CSMD1: variants seen among roughly 807,000 people sequenced by gnomAD.
CSMD1 encodes the protein CUB and Sushi multiple domains 1.
In CSMD1, 213 loss-of-function variants were observed where a neutral mutation model predicts 417.5. The observed-to-expected ratio is 0.51, with a 90% CI of 0.46 to 0.57. The LOEUF is 0.57. Among genes scored for constraint, CSMD1 ranks in the 20% least tolerant of loss-of-function variants. The probability of loss-of-function intolerance (pLI) is 0.00; values close to 1 mark genes in which losing one functional copy is unlikely to be tolerated. For synonymous variants in CSMD1, 2,862 were observed against 1,736.8 expected (o/e 1.65, Z -16.11); for missense variants, 6,923 against 4,529.7 (o/e 1.53, Z -15.17).
At position 3,881,792 on chromosome 8, in the gene CSMD1, G is replaced by A. The variant is rs184253614; in HGVS notation, c.818+116111C>T. 5.3e-5 allele frequency among the ~76,000 whole-genome samples: 8 copies of A among 152,216 alleles called. No individual in the cohort carries two copies. The East Asian group carries it at 1.5e-3, about 29-fold the overall frequency. On this transcript the variant is annotated intron_variant, in intron 5 of 69. Transcript: ENST00000635120. Reference sequence around the variant, plus strand: ...ACTCTGAATGGTCGATGCAAGGAAAGACAGCTAAGCAAAGGGAAGAACAGA... The same window carrying A: ...ACTCTGAATGGTCGATGCAAGGAAAAACAGCTAAGCAAAGGGAAGAACAGA...
chr8:3,363,356 G>C (rs1809325422), intron 20 of CSMD1, among the ~76,000 whole-genome samples: 1 of 152,098 alleles, frequency 6.6e-6, no homozygotes, highest in East Asian at 1.9e-4. Context: ...TATGGGAAAG[G>C]AATAATTTTG....
chr8:3,493,389 CAT>C (rs1270396678), intron 11 of CSMD1, among the ~76,000 whole-genome samples: 5 of 150,160 alleles, frequency 3.3e-5, no homozygotes, highest in Admixed American at 6.6e-5. Flanking sequence ...TTGCCATAAA[CAT>C]ATATGTTTTT....
intron 26 of CSMD1, among the ~76,000 whole-genome samples, chr8:3,264,251 T>G (rs943953699): frequency 2.6e-5 from 4 of 152,190 alleles, no homozygotes; most frequent in African/African-American, 9.7e-5. Flanking sequence ...CACCAGTTCT[T>G]TATTAACAAT....
chr8:4,525,371 C>T (rs1014460964), intron 2 of CSMD1, among the ~76,000 whole-genome samples: 4 of 152,138 alleles, frequency 2.6e-5, no homozygotes, highest in Non-Finnish European at 4.4e-5. Context: ...AATCTTAACA[C>T]TCCCCTTCCA....
At chr8:4,440,134 G>T (rs1798383772) in intron 2 of CSMD1, among the ~76,000 whole-genome samples, 1 of 152,088 alleles carries the variant, frequency 6.6e-6, no homozygotes, top group African/African-American at 2.4e-5. Context: ...GTGCAGCTTT[G>T]GTGTAAATTT....
intron 12 of CSMD1, among the ~76,000 whole-genome samples, chr8:3,466,094 C>G (rs989330289): frequency 1.3e-5 from 2 of 151,996 alleles, no homozygotes; most frequent in African/African-American, 4.8e-5. Context: ...AAAATGCAAA[C>G]AGAAATAAGA....
intron 25 of CSMD1, among the ~76,000 whole-genome samples, chr8:3,287,678 C>G (rs1284450138): frequency 6.6e-6 from 1 of 152,134 alleles, no homozygotes; most frequent in African/African-American, 2.4e-5. Context: ...GCTGAAGTTG[C>G]CCATCAGCTT....
At chr8:3,435,298 C>G (rs1031243) in intron 12 of CSMD1, among the ~76,000 whole-genome samples, 4,150 of 152,016 alleles carry the variant, frequency 0.027, 277 homozygotes, top group East Asian at 0.21. Context: ...ACATATTTCA[C>G]TGGGAAAGAT....
At position 4,031,001 on chromosome 8, in the gene CSMD1, C is replaced by G. The variant is rs541465438; in HGVS notation, c.610+904G>C. Among the ~76,000 whole-genome samples the G allele has an allele frequency of 3.4e-4, 52 of 152,288 alleles. No homozygotes were observed. In the South Asian group the frequency reaches 7.3e-3, roughly 21 times the overall value. The stretch of plus-strand genomic sequence containing the variant: ...TTATGAACAAGTTTCTCATCTCCAT[C>G]CGAGACCACCTCAGCCAGGATTTCA... On this transcript the variant is annotated intron_variant, in intron 4 of 69. Transcript: ENST00000635120.
Position 3,795,993 on chromosome 8 carries a change from ATATC to A in CSMD1, c.819-41955_819-41952del, listed in dbSNP as rs1436584072. Among the ~76,000 whole-genome samples, 32 of 68,084 alleles carry A rather than the reference ATATC, an allele frequency of 4.7e-4. 10 individuals are homozygous for A. Among genetic ancestry groups the A allele is most frequent in the South Asian group, 1.3e-3 (3 of 2,238 alleles). The allele number at this position is 68,084 out of a possible 152,430, so 44.7% of individuals were successfully genotyped here. On this transcript the variant is annotated intron_variant, in intron 5 of 69. Transcript: ENST00000635120. ...ATCTATCATGTACAGATATAGATAT[ATATC>A]TATCATGTATATAGATATATATCAT...
At chr8:4,674,183 G>C (rs1805528913) in intron 1 of CSMD1, among the ~76,000 whole-genome samples, 1 of 152,158 alleles carries the variant, frequency 6.6e-6, no homozygotes. Flanking sequence ...CTAATGGTCA[G>C]ACCTCAAAAT....
In CSMD1 at chr8:3,812,033, G is replaced by C. The variant is rs538898820; in HGVS notation, c.819-57991C>G. On this transcript the variant is annotated intron_variant, in intron 5 of 69. Transcript: ENST00000635120. ...TTACTAATCTTCTTATGCTTAGTGA[G>C]AAAAAAAAAATTCCATAAAGCATTT... Among the ~76,000 whole-genome samples the C allele has an allele frequency of 2.0e-5, 3 of 150,106 alleles. No individual in the cohort carries two copies. The East Asian group carries it at 5.9e-4, about 29-fold the overall frequency.
intron 3 of CSMD1, among the ~76,000 whole-genome samples, chr8:4,163,529 A>C (rs4469478): frequency 0.39 from 59,300 of 152,028 alleles, 11,808 homozygotes; most frequent in Middle Eastern, 0.5. Flanking sequence ...GAAATATTTA[A>C]TATTAGGTAA....
intron 23 of CSMD1, among the ~76,000 whole-genome samples, chr8:3,341,590 G>C (rs1250404529): frequency 6.6e-6 from 1 of 152,152 alleles, no homozygotes; most frequent in Non-Finnish European, 1.5e-5. Flanking sequence ...GCAAATTGCA[G>C]CAGTGTTGAG....
chr8:4,099,174 G>C (rs1298004742), intron 3 of CSMD1, among the ~76,000 whole-genome samples: 1 of 148,682 alleles, frequency 6.7e-6, no homozygotes, highest in African/African-American at 2.5e-5. Flanking sequence ...TTATTTATCT[G>C]AACACACACA....
At chr8:3,337,819 T>C (rs901767181) in intron 23 of CSMD1, among the ~76,000 whole-genome samples, 7 of 152,192 alleles carry the variant, frequency 4.6e-5, no homozygotes, top group South Asian at 2.1e-4. Context: ...AAAGTATTCC[T>C]TTGAGTGGCT....
intron 57 of CSMD1, among the ~76,000 whole-genome samples, chr8:2,972,251 G>A (rs1010157070): frequency 6.6e-6 from 1 of 152,072 alleles, no homozygotes; most frequent in East Asian, 1.9e-4. Context: ...TGAAGATTAA[G>A]GAAACTCAAG....
At position 4,923,713 on chromosome 8, in the gene CSMD1, G is replaced by A. The variant is rs1332252900; in HGVS notation, c.85+70619C>T. ...TCAGTGGGACTATCAGTGCTTGGGA[G>A]TTAGCATGATTACAGAAATTTACCA... On this transcript the variant is annotated intron_variant, in intron 1 of 69. Transcript: ENST00000635120. 2.0e-5 allele frequency among the ~76,000 whole-genome samples: 3 copies of A among 152,094 alleles called. No homozygotes were observed. In the South Asian group the frequency reaches 6.2e-4, roughly 31 times the overall value.
chr8:3,449,834 T>C (rs916606924), intron 12 of CSMD1, among the ~76,000 whole-genome samples: 1 of 152,194 alleles, frequency 6.6e-6, no homozygotes, highest in Admixed American at 6.5e-5. Context: ...AACATTTATA[T>C]CCATATAAAT....
Sources: gnomAD v4.1 joint callset for allele counts (sites outside exome capture counted in the v4.1 genomes callset) on GRCh38, gnomAD v4.1.1 for gene constraint, MANE v1.5 for transcripts, NCBI Gene and HGNC (gene_info 2026-07-23, HGNC 2026-07-21) for gene names.